The following ANKRD45 variants were observed in gnomAD, a reference collection of about 807,000 sequenced individuals.
The protein encoded by ANKRD45 is ankyrin repeat domain-containing protein 45.
ANKRD45 carries 21 observed loss-of-function variants against 28.1 expected under a neutral mutation model. The observed-to-expected ratio is 0.75, with a 90% CI of 0.53 to 1.08. The LOEUF (loss-of-function observed/expected upper bound fraction) is 1.08. Among genes scored for constraint, ANKRD45 ranks in the 50% least tolerant of loss-of-function variants. The pLI is 0.00. For missense variants in ANKRD45, 261 were observed against 308.7 expected, an observed-to-expected ratio of 0.85 and a Z score of 1.16; for synonymous variants, 86 against 103.9, an observed-to-expected ratio of 0.83 and a Z score of 1.05.
At chr1:173,613,570 C>T (rs532834417) in intron 5 of ANKRD45, among the ~76,000 whole-genome samples, 4 of 148,780 alleles carry the variant, frequency 2.7e-5, no homozygotes, top group Admixed American at 2.0e-4. Context: ...CAGCCCCCCC[C>T]CCGGCCAGCC....
rs558902847 is a variant in ANKRD45 at position 173,635,797 on chromosome 1, T to C, written c.497-8638A>G. 5.1e-5 allele frequency: 79 copies of C among 1,535,468 alleles called. No homozygotes were observed. In the African/African-American group the frequency reaches 1.0e-3, roughly 20 times the overall value. On this transcript the variant is annotated intron_variant, in intron 3 of 5. Coordinates refer to ENST00000333279, the MANE Select transcript of ANKRD45 (RefSeq NM_198493.3). ...AAGCTGTCTTCTTCGTCTTATTTGT[T>C]TTGTCTGTGCATTACCTGTGGAAGA...
At chr1:173,714,340 G>A in the ANKRD45 span, among the ~76,000 whole-genome samples, 58 of 152,182 alleles carry the variant, frequency 3.8e-4, no homozygotes, top group South Asian at 9.3e-3. Flanking sequence ...ATTTTTTTAA[G>A]AAAATATACT....
chr1:173,651,643 T>C (rs943467371), intron 2 of ANKRD45, among the ~76,000 whole-genome samples: 1 of 152,206 alleles, frequency 6.6e-6, no homozygotes, highest in Non-Finnish European at 1.5e-5. Flanking sequence ...AAGTCATTGG[T>C]AGCTTGATGG....
intron 1 of ANKRD45, among the ~76,000 whole-genome samples, chr1:173,669,146 G>A (rs757049099): frequency 6.6e-6 from 1 of 152,186 alleles, no homozygotes; most frequent in Non-Finnish European, 1.5e-5. Flanking sequence ...GGATTCAATG[G>A]AGGTAGGTAG....
chr1:173,689,165 G>A, the ANKRD45 span, among the ~76,000 whole-genome samples: 3 of 152,130 alleles, frequency 2.0e-5, no homozygotes, highest in Non-Finnish European at 2.9e-5. Context: ...ATCCTCTCTT[G>A]AAGTGGCCTG....
intron 3 of ANKRD45, among the ~76,000 whole-genome samples, chr1:173,646,076 A>G (rs1399964062): frequency 1.3e-5 from 2 of 152,236 alleles, no homozygotes; most frequent in East Asian, 3.8e-4. Context: ...AATGCAGATA[A>G]CCATGCAAAA....
intron 5 of ANKRD45, among the ~76,000 whole-genome samples, chr1:173,618,134 C>T (rs1008549387): frequency 2.0e-5 from 3 of 152,140 alleles, no homozygotes; most frequent in African/African-American, 7.2e-5. Flanking sequence ...CAAAAAAACT[C>T]CATTCAAAGG....
the ANKRD45 span, among the ~76,000 whole-genome samples, chr1:173,712,677 A>G: frequency 6.6e-6 from 1 of 152,248 alleles, no homozygotes. Flanking sequence ...GCAAGAATTT[A>G]CATTGTAGCA....
At chr1:173,671,063 T>C (rs921531432), upstream of ANKRD45, among the ~76,000 whole-genome samples, 3 of 152,218 alleles carry the variant, frequency 2.0e-5, no homozygotes, top group African/African-American at 7.2e-5. Flanking sequence ...TTCCCCAACG[T>C]TGCCTAAGTT....
At chr1:173,656,192 T>C (rs1669503544) in intron 2 of ANKRD45, among the ~76,000 whole-genome samples, 3 of 152,242 alleles carry the variant, frequency 2.0e-5, no homozygotes, top group South Asian at 4.1e-4. Flanking sequence ...GCGTCGATCA[T>C]GCTGGGATCT....
chr1:173,618,232 T>G (rs974231200), intron 5 of ANKRD45, among the ~76,000 whole-genome samples: 3 of 152,204 alleles, frequency 2.0e-5, no homozygotes, highest in Admixed American at 1.3e-4. Flanking sequence ...AAAGCCCAAG[T>G]GCCTCTTCTT....
the ANKRD45 span, among the ~76,000 whole-genome samples, chr1:173,709,408 G>A: frequency 2.0e-5 from 3 of 152,166 alleles, no homozygotes; most frequent in Non-Finnish European, 4.4e-5. Flanking sequence ...GATGACATCT[G>A]AGACAGAAGC....
At chr1:173,631,355 G>C (rs1020022347) in intron 3 of ANKRD45, among the ~76,000 whole-genome samples, 1 of 152,048 alleles carries the variant, frequency 6.6e-6, no homozygotes, top group African/African-American at 2.4e-5. Flanking sequence ...GAGGGAGCTA[G>C]ACCCCAATAC....
At chr1:173,662,044 G>T (rs1469390536) in intron 1 of ANKRD45, among the ~76,000 whole-genome samples, 2 of 152,134 alleles carry the variant, frequency 1.3e-5, no homozygotes, top group African/African-American at 4.8e-5. Context: ...AGGCCAGGGA[G>T]CAGATATTTT....
chr1:173,634,618 G>A (rs538876467), intron 3 of ANKRD45, among the ~76,000 whole-genome samples: 40 of 151,888 alleles, frequency 2.6e-4, no homozygotes, highest in African/African-American at 8.7e-4. Flanking sequence ...CCCCAAGTGG[G>A]ACTCATTGCC....
intron 5 of ANKRD45, among the ~76,000 whole-genome samples, chr1:173,623,035 G>C (rs1156783289): frequency 6.6e-6 from 1 of 151,990 alleles, no homozygotes; most frequent in African/African-American, 2.4e-5. Flanking sequence ...AAAAAAAAAG[G>C]CTGGGCATGG....
intron 2 of ANKRD45, among the ~76,000 whole-genome samples, chr1:173,657,063 C>T (rs1669555210): frequency 6.7e-6 from 1 of 148,830 alleles, no homozygotes; most frequent in Non-Finnish European, 1.5e-5. Flanking sequence ...CAGGTGTGAG[C>T]CACCACACCT....
chr1:173,614,013 G>T (rs1667348270), intron 5 of ANKRD45, among the ~76,000 whole-genome samples: 3 of 152,156 alleles, frequency 2.0e-5, no homozygotes. Flanking sequence ...TCCACTCAGG[G>T]TTATATGGAT....
the ANKRD45 span, among the ~76,000 whole-genome samples, chr1:173,687,464 C>A: frequency 3.9e-5 from 4 of 103,580 alleles, no homozygotes; most frequent in South Asian, 4.0e-4. Context: ...ACCCCCCCCC[C>A]ACCCCTTTTT....
Sources: allele counts gnomAD v4.1 joint callset (sites outside exome capture counted in the v4.1 genomes callset), GRCh38; gene constraint gnomAD v4.1.1; transcripts MANE v1.5; gene names NCBI Gene and HGNC (gene_info 2026-07-23, HGNC 2026-07-21).